SORL1: variants seen among roughly 807,000 people sequenced by gnomAD.
SORL1 encodes sortilin-related receptor.
SORL1 carries 127 observed loss-of-function variants against 273.7 expected under a neutral mutation model. That is an observed-to-expected ratio of 0.46 (90% CI 0.40 to 0.54). The LOEUF (loss-of-function observed/expected upper bound fraction) is 0.54, where lower values mean the gene tolerates loss of function less well. Ranked by LOEUF, SORL1 falls within the 20% of genes least tolerant of loss-of-function variation. The probability of loss-of-function intolerance (pLI) is 0.00; values close to 1 mark genes in which losing one functional copy is unlikely to be tolerated. For missense variants in SORL1, 2,494 were observed against 2,846.1 expected, an observed-to-expected ratio of 0.88 and a Z score of 2.81; for synonymous variants, 1,031 against 1,067.4, an observed-to-expected ratio of 0.97 and a Z score of 0.66.
In SORL1 at chr11:121,520,780, C is replaced by T. The variant is rs998000267; in HGVS notation, c.1335C>T (p.Asp445=). The T allele has an allele frequency of 6.2e-7, 1 of 1,612,722 alleles. No individual in the cohort carries two copies. The highest frequency in any genetic ancestry group is 1.7e-5 in the Admixed American group (1 of 59,804). Residue 445 remains aspartate (D), a synonymous_variant, in exon 9 of 48, where the codon GAC becomes GAT. Transcript: ENST00000260197. ...ACATGAGATCGGTCATCACCTTTGA[C>T]AAAGGGGGAACCTGGGAGTTTCTTC... ...EENMRSVITF[D]KGGTWEFLQA...
intron 18 of SORL1, among the ~76,000 whole-genome samples, chr11:121,556,135 T>C (rs1862578449): frequency 1.3e-5 from 2 of 152,348 alleles, no homozygotes; most frequent in South Asian, 4.1e-4. Context: ...GAGATTCATA[T>C]ATTCGCACAA....
intron 5 of SORL1, among the ~76,000 whole-genome samples, chr11:121,496,397 G>C (rs1861630033): frequency 6.6e-6 from 1 of 152,216 alleles, no homozygotes; most frequent in South Asian, 2.1e-4. Context: ...GGACAGGGCA[G>C]AGACAGGGCA....
At chr11:121,510,423 A>G (rs1426740910) in intron 6 of SORL1, among the ~76,000 whole-genome samples, 1 of 152,130 alleles carries the variant, frequency 6.6e-6, no homozygotes, top group African/African-American at 2.4e-5. Flanking sequence ...TTTCTGTCTT[A>G]ATGTTCTGCC....
Position 121,532,531 on chromosome 11 carries a change from G to C in SORL1, c.1664G>C (p.Gly555Ala). The change falls in exon 12 of 48, where the codon GGC (glycine) becomes GCC (alanine). Residue 555 changes from glycine to alanine, a missense_variant. Coordinates refer to ENST00000260197, the MANE Select transcript of SORL1 (RefSeq NM_003105.6). ...HGGIITAIAQ[G>A]METNELKYST... The stretch of plus-strand genomic sequence containing the variant: ...GGAATCATCACGGCCATTGCCCAGG[G>C]CATGGAAACCAACGAGCTAAAGTAA... 1.9e-6 allele frequency: 3 copies of C among 1,614,066 alleles called. No individual in the cohort carries two copies. In the South Asian group the frequency reaches 3.3e-5, roughly 18 times the overall value.
At chr11:121,510,059 A>ATG (rs1456606036) in intron 6 of SORL1, among the ~76,000 whole-genome samples, 6 of 152,196 alleles carry the variant, frequency 3.9e-5, no homozygotes, top group African/African-American at 1.4e-4. Flanking sequence ...GCTTATTTAT[A>ATG]TGTGTGTGTG....
Position 121,586,398 on chromosome 11 carries a change from C to T in SORL1, c.3814+69C>T, listed in dbSNP as rs1863110091. ...TTATGAGTGAAGAGCGTATATTGGA[C>T]TAAATCCTTTCATTTCCTCAGTACC... On this transcript the variant is annotated intron_variant, in intron 27 of 47. Transcript: ENST00000260197. 3.4e-6 allele frequency: 4 copies of T among 1,177,172 alleles called. No individual in the cohort carries two copies. The South Asian group carries it at 3.6e-5, about 11-fold the overall frequency. The allele number at this position is 1,177,172 out of a possible 1,614,324, so 72.9% of individuals were successfully genotyped here.
chr11:121,473,988 T>G (rs1861218163), intron 2 of SORL1, among the ~76,000 whole-genome samples: 1 of 152,194 alleles, frequency 6.6e-6, no homozygotes, highest in Non-Finnish European at 1.5e-5. Context: ...TGTGACATCA[T>G]GATTGTACCC....
At chr11:121,509,067 C>T (rs1039830398) in intron 6 of SORL1, among the ~76,000 whole-genome samples, 1 of 152,070 alleles carries the variant, frequency 6.6e-6, no homozygotes, top group Non-Finnish European at 1.5e-5. Context: ...CTTTTTTTTC[C>T]CCCTGGAATA....
At chr11:121,576,948 C>T (rs1361397786) in intron 24 of SORL1, 2 of 1,528,768 alleles carry the variant, frequency 1.3e-6, no homozygotes, top group Admixed American at 2.0e-5. Context: ...TCTATCACTG[C>T]TTCCTAACCT....
At chr11:121,527,967 T>C (rs771252954) in intron 11 of SORL1, among the ~76,000 whole-genome samples, 2 of 152,154 alleles carry the variant, frequency 1.3e-5, no homozygotes, top group African/African-American at 2.4e-5. Context: ...TTTTTTTCTT[T>C]ATTATTATTT....
intron 37 of SORL1, among the ~76,000 whole-genome samples, chr11:121,607,645 T>C (rs948008776): frequency 5.9e-5 from 9 of 152,232 alleles, no homozygotes; most frequent in Admixed American, 5.2e-4. Flanking sequence ...TAAGTAGTCT[T>C]TCTAAACTGA....
At chr11:121,488,001 C>T (rs1454134268) in intron 3 of SORL1, 31 bp from the exon 4 acceptor site, 1 of 1,611,370 alleles carries the variant, frequency 6.2e-7, no homozygotes, top group Non-Finnish European at 8.5e-7. Context: ...TGGACAGGGC[C>T]TGCTCTCAAC....
At chr11:121,586,702 G>GGT (rs1863119320) in intron 27 of SORL1, among the ~76,000 whole-genome samples, 1 of 15,194 alleles carries the variant, frequency 6.6e-5, no homozygotes, top group Non-Finnish European at 2.1e-4. Flanking sequence ...GTGGGGGGGG[G>GGT]GGCGGGGGGG....
rs1005676642 is a variant in SORL1, at chr11:121,550,877, T to C, written c.2266+207T>C. On this transcript the variant is annotated intron_variant, in intron 16 of 47. Coordinates refer to ENST00000260197, the MANE Select transcript of SORL1 (RefSeq NM_003105.6). This position sits in a 1 kb window ranked among gnomAD's most constrained non-coding sequence, Gnocchi z 5.3. ...CATACCCGTTTTTAGGAATGGAAAG[T>C]ACTTTGTGTCAGCTCAGTTTCTTTG... 2.6e-5 allele frequency among the ~76,000 whole-genome samples: 4 copies of C among 152,244 alleles called. No individual in the cohort carries two copies. The highest frequency in any genetic ancestry group is 9.6e-5 in the African/African-American group (4 of 41,454).
At chr11:121,540,696 C>T (rs186148921) in intron 12 of SORL1, among the ~76,000 whole-genome samples, 4 of 152,168 alleles carry the variant, frequency 2.6e-5, no homozygotes, top group Admixed American at 2.6e-4. Flanking sequence ...TGAAGAGCAC[C>T]ATTTTCTAAA....
At chr11:121,469,886 A>G (rs1209848570) in intron 1 of SORL1, 121 bp from the exon 2 acceptor site, 1 of 776,560 alleles carries the variant, frequency 1.3e-6, no homozygotes, top group African/African-American at 1.7e-5. Flanking sequence ...CCTTGGCCCA[A>G]ATGCTTTAGA....
intron 21 of SORL1, among the ~76,000 whole-genome samples, chr11:121,562,975 A>T (rs1000493397): frequency 3.3e-5 from 5 of 152,214 alleles, no homozygotes; most frequent in African/African-American, 4.8e-5. Context: ...ATAATAATTG[A>T]TAGTAACTAC....
chr11:121,509,989 T>A (rs542845898), intron 6 of SORL1, among the ~76,000 whole-genome samples: 3 of 152,300 alleles, frequency 2.0e-5, no homozygotes, highest in Admixed American at 2.0e-4. Context: ...ACTTAATAAT[T>A]CTTCTAAGAC....
intron 41 of SORL1, among the ~76,000 whole-genome samples, chr11:121,618,515 G>A (rs970322983): frequency 2.6e-5 from 4 of 152,136 alleles, no homozygotes; most frequent in African/African-American, 7.2e-5. Flanking sequence ...AATTATGTAT[G>A]TTTTTCTTCT....
Sources: gnomAD v4.1 joint callset for allele counts (sites outside exome capture counted in the v4.1 genomes callset) on GRCh38, gnomAD v4.1.1 for gene constraint, Gnocchi (gnomAD v3.1) non-coding constraint, MANE v1.5 for transcripts, NCBI Gene and HGNC (gene_info 2026-07-23, HGNC 2026-07-21) for gene names.